The following AKR1C2 variants were observed in gnomAD, a reference collection of about 807,000 sequenced individuals.
AKR1C2 encodes aldo-keto reductase family 1 member C2, also known as 3-alpha-HSD3.
Under a neutral mutation model 39.8 loss-of-function variants are expected in AKR1C2, and 27 were observed. The ratio of observed to expected loss-of-function variants is 0.68; its 90% CI spans 0.50 to 0.93. AKR1C2 has a LOEUF of 0.93. Ranked by LOEUF, AKR1C2 falls within the 40% of genes least tolerant of loss-of-function variation. The pLI, the probability that AKR1C2 is intolerant of heterozygous loss-of-function variation, is 0.00. For synonymous variants in AKR1C2, 114 were observed against 137.9 expected (o/e 0.83, Z 1.22); for missense variants, 263 against 365.1 (o/e 0.72, Z 2.28).
chr10:4,993,229 A>T lies in AKR1C2; in HGVS notation c.847-1316T>A, dbSNP rs1454369054. Among the ~76,000 whole-genome samples the T allele has an allele frequency of 2.6e-5, 4 of 152,218 alleles. No homozygotes were observed. The East Asian group carries it at 7.7e-4, about 29-fold the overall frequency. Reference sequence around the variant, plus strand: ...TAAGATATTATTAAATAAATGAAGAAGTTAGAAAAATATTTGTACCATACT... The same window carrying T: ...TAAGATATTATTAAATAAATGAAGATGTTAGAAAAATATTTGTACCATACT... On this transcript the variant is annotated intron_variant, in intron 7 of 8. Transcript: ENST00000380753.
chr10:4,990,179 T>C (rs1195727675), intron 8 of AKR1C2, 141 bp from the exon 9 acceptor site: 24 of 904,046 alleles, frequency 2.7e-5, no homozygotes, highest in Non-Finnish European at 3.7e-5. Flanking sequence ...TGTGTTTCTT[T>C]GTTTAATGAA....
At chr10:4,999,525 T>A in intron 3 of AKR1C2, 1 of 610,942 alleles carries the variant, frequency 1.6e-6, no homozygotes, top group Non-Finnish European at 2.6e-6. Context: ...TAATGGAGTG[T>A]CATCATTGAC....
intron 7 of AKR1C2, among the ~76,000 whole-genome samples, chr10:4,993,984 A>G (rs1554772547): frequency 1.3e-5 from 2 of 151,674 alleles, no homozygotes; most frequent in Admixed American, 6.6e-5. Flanking sequence ...AGATTCATCA[A>G]TTGTTTCATT....
intron 8 of AKR1C2, among the ~76,000 whole-genome samples, chr10:4,991,012 C>T (rs1210983264): frequency 1.3e-5 from 2 of 151,160 alleles, no homozygotes; most frequent in Admixed American, 6.6e-5. Context: ...TTGTTAAAAT[C>T]TCCACTGCCA....
rs1459146952 is a variant in AKR1C2 at position 4,988,697 on chromosome 10, T to C, written c.*1299A>G. ...CTACCAGAGTACGAATAGTGGAGAGTAAATGTGTTAGAAAGTGTGCCCAGG... is the reference window on the plus strand; with the variant it reads ...CTACCAGAGTACGAATAGTGGAGAGCAAATGTGTTAGAAAGTGTGCCCAGG... On this transcript the variant is annotated 3_prime_UTR_variant, in exon 9 of 9. Transcript: ENST00000380753. 1.3e-5 allele frequency: 2 copies of C among 151,816 alleles called. No individual in the cohort carries two copies. The highest frequency in any genetic ancestry group is 2.9e-5 in the Non-Finnish European group (2 of 67,980). 9.4% of individuals were successfully genotyped at this position (151,816 alleles called of 1,614,324 possible). A position where few individuals can be genotyped will look rare whatever the true frequency, so the allele number is the denominator to read the frequency against.
At chr10:5,014,782 TC>T (rs1837603682) in intron 1 of AKR1C2, 2 of 152,228 alleles carry the variant, frequency 1.3e-5, no homozygotes, top group Non-Finnish European at 2.9e-5. Context: ...CTCCAATAGC[TC>T]CAACATGGCT....
At chr10:5,006,581 C>T (rs1225639482), upstream of AKR1C2, 2 of 148,754 alleles carry the variant, frequency 1.3e-5, no homozygotes, top group Non-Finnish European at 3.0e-5. Context: ...CCAGCTTGGG[C>T]TTAAACTCCA....
At chr10:5,015,716 A>G (rs1837625521) in intron 1 of AKR1C2, 1 of 152,238 alleles carries the variant, frequency 6.6e-6, no homozygotes, top group African/African-American at 2.4e-5. Flanking sequence ...AAATGTGAGA[A>G]TAGTGAAACT....
intron 2 of AKR1C2, among the ~76,000 whole-genome samples, 198 bp from the exon 3 acceptor site, chr10:5,000,864 C>A (rs868961208): frequency 4.6e-5 from 7 of 152,082 alleles, no homozygotes; most frequent in Non-Finnish European, 1.0e-4. Flanking sequence ...ATAGTTAGTA[C>A]ATATATTGAA....
intron 7 of AKR1C2, among the ~76,000 whole-genome samples, chr10:4,992,561 A>G (rs1302637336): frequency 3.9e-5 from 6 of 152,334 alleles, no homozygotes; most frequent in African/African-American, 1.2e-4. Context: ...CACTTGATGA[A>G]TGTAGGTAAG....
chr10:4,991,530 A>G (rs1554772248), intron 8 of AKR1C2, among the ~76,000 whole-genome samples: 1 of 152,226 alleles, frequency 6.6e-6, no homozygotes, highest in Admixed American at 6.5e-5. Context: ...TACACTAGAC[A>G]GTAATACAAA....
intron 7 of AKR1C2, among the ~76,000 whole-genome samples, chr10:4,994,872 A>G (rs1400870800): frequency 1.4e-5 from 2 of 138,718 alleles, no homozygotes; most frequent in East Asian, 2.2e-4. Flanking sequence ...CATAAAAATA[A>G]AGACACACAA....
intron 1 of AKR1C2, among the ~76,000 whole-genome samples, chr10:5,014,602 A>G (rs1837598348): frequency 6.6e-6 from 1 of 152,122 alleles, no homozygotes; most frequent in Non-Finnish European, 1.5e-5. Flanking sequence ...CTGGGATTTG[A>G]AAGCTGTCAG....
chr10:5,014,225 G>T (rs1209181524), intron 1 of AKR1C2, among the ~76,000 whole-genome samples: 1 of 151,388 alleles, frequency 6.6e-6, no homozygotes, highest in Admixed American at 6.6e-5. Context: ...ATTTATTTAG[G>T]TATTGTGAGC....
At chr10:5,008,709 T>C (rs1333194823), upstream of AKR1C2, among the ~76,000 whole-genome samples, 2 of 152,248 alleles carry the variant, frequency 1.3e-5, no homozygotes, top group African/African-American at 2.4e-5. Context: ...CCTTGAGTCA[T>C]ACATAAAGAA....
At chr10:4,992,462 T>C (rs1836873194) in intron 7 of AKR1C2, among the ~76,000 whole-genome samples, 1 of 152,086 alleles carries the variant, frequency 6.6e-6, no homozygotes, top group Non-Finnish European at 1.5e-5. Context: ...TCTAATACAT[T>C]CAATCAAATA....
intron 8 of AKR1C2, 130 bp from the exon 9 acceptor site, chr10:4,990,168 C>T: frequency 2.2e-6 from 2 of 894,776 alleles, no homozygotes; most frequent in East Asian, 2.7e-5. Flanking sequence ...GCTCTAGAAT[C>T]TGTGTTTCTT....
chr10:5,006,717 A>G (rs1199008151), upstream of AKR1C2: 2 of 151,624 alleles, frequency 1.3e-5, no homozygotes, highest in African/African-American at 4.8e-5. Flanking sequence ...AGTAGGTGAT[A>G]TATTTAATGT....
In AKR1C2 at chr10:5,003,843, A is replaced by G. The variant is rs1449178240; in HGVS notation, c.-8T>C. The stretch of plus-strand genomic sequence containing the variant: ...CTGGTATTTCGAATCCATTTCTGTC[A>G]CTGGCCTGGTTAGCAAATGTTTCTT... On this transcript the variant is annotated 5_prime_UTR_variant, in exon 1 of 9. Coordinates refer to ENST00000380753, the MANE Select transcript of AKR1C2 (RefSeq NM_001393392.1). 8.1e-6 allele frequency: 13 copies of G among 1,614,090 alleles called. No homozygotes were observed. Among genetic ancestry groups the G allele is most frequent in the Non-Finnish European group, 1.0e-5 (12 of 1,179,960 alleles).
Sources: gnomAD v4.1 joint callset for allele counts (sites outside exome capture counted in the v4.1 genomes callset) on GRCh38, gnomAD v4.1.1 for gene constraint, MANE v1.5 for transcripts, NCBI Gene and HGNC (gene_info 2026-07-23, HGNC 2026-07-21) for gene names.